Variants in NPY2R observed in about 807,000 individuals in gnomAD.
The protein encoded by NPY2R is neuropeptide Y receptor Y2.
In NPY2R, 17 loss-of-function variants were observed where a neutral mutation model predicts 22.3. The ratio of observed to expected loss-of-function variants is 0.76; its 90% CI spans 0.52 to 1.14. The LOEUF (loss-of-function observed/expected upper bound fraction) is 1.14, where lower values mean the gene tolerates loss of function less well. NPY2R is among the 50% of genes most tolerant of loss of function. The pLI is 0.00. For synonymous variants in NPY2R, 209 were observed against 183.4 expected (o/e 1.14, Z -1.13); for missense variants, 424 against 467.9 (o/e 0.91, Z 0.87).
At chr4:155,193,193 T>C in the NPY2R span, among the ~76,000 whole-genome samples, 6 of 151,930 alleles carry the variant, frequency 3.9e-5, no homozygotes, top group Non-Finnish European at 7.4e-5. Flanking sequence ...ACTATATATA[T>C]ATACGGTCCC....
At chr4:155,213,743 G>C in intron 1 of NPY2R, 149 bp from the exon 2 acceptor site, 1 of 608,450 alleles carries the variant, frequency 1.6e-6, no homozygotes, top group Middle Eastern at 4.4e-4. Flanking sequence ...GTTTTGCTAT[G>C]CACAATTTTA....
At chr4:155,206,316 C>T (rs1560761757), upstream of NPY2R, among the ~76,000 whole-genome samples, 1 of 152,236 alleles carries the variant, frequency 6.6e-6, no homozygotes, top group Non-Finnish European at 1.5e-5. Context: ...ATTTCACCAC[C>T]ACTTCCACAA....
At chr4:155,206,424 G>A (rs138985499), upstream of NPY2R, 53 of 152,306 alleles carry the variant, frequency 3.5e-4, 1 homozygote, top group African/African-American at 1.3e-3. Context: ...GCACATTTAA[G>A]GATATGAATT....
At chr4:155,192,554 A>G in the NPY2R span, among the ~76,000 whole-genome samples, 2 of 152,006 alleles carry the variant, frequency 1.3e-5, no homozygotes, top group Admixed American at 6.6e-5. Context: ...GCAATTTTCT[A>G]TAGACATTCC....
rs1430105701 is a variant in NPY2R, at chr4:155,213,872, AT to A, written c.-48-16del. ...GTTTTTGTTGTTGTTGTTTTGTTTT[AT>A]TTTGTTTTTTCTTTTTAGGTTGTAG... On this transcript the variant is annotated intron_variant, in intron 1 of 1. Coordinates refer to ENST00000329476, the MANE Select transcript of NPY2R (RefSeq NM_000910.4). 3.1e-6 allele frequency: 4 copies of A among 1,296,256 alleles called. No individual in the cohort carries two copies. The African/African-American group carries it at 5.8e-5, about 19-fold the overall frequency. The allele number at this position is 1,296,256 out of a possible 1,614,324, so 80.3% of individuals were successfully genotyped here. A position where few individuals can be genotyped will look rare whatever the true frequency, so the allele number is the denominator to read the frequency against.
chr4:155,186,292 C>A, the NPY2R span, among the ~76,000 whole-genome samples: 1 of 152,030 alleles, frequency 6.6e-6, no homozygotes, highest in Admixed American at 6.6e-5. Context: ...TTATATTAAC[C>A]ATAATGATAA....
chr4:155,215,969 C>T lies in NPY2R; in HGVS notation c.*884C>T, dbSNP rs1729506452. 1 of 167,040 alleles carries T rather than the reference C, an allele frequency of 6.0e-6. No homozygotes were observed. The highest frequency in any genetic ancestry group is 6.5e-5 in the Admixed American group (1 of 15,282). The allele number at this position is 167,040 out of a possible 1,614,324, so 10.3% of individuals were successfully genotyped here. On this transcript the variant is annotated 3_prime_UTR_variant, in exon 2 of 2. Transcript: ENST00000329476. ...AGTTTGTCTACACTAAAATTTAAATCAGACTAGAGAATAATTTTTGTGGCA... is the reference window on the plus strand; with the variant it reads ...AGTTTGTCTACACTAAAATTTAAATTAGACTAGAGAATAATTTTTGTGGCA...
the NPY2R span, among the ~76,000 whole-genome samples, chr4:155,176,293 T>C: frequency 6.6e-6 from 1 of 151,980 alleles, no homozygotes. Context: ...CAGCAGGACC[T>C]AGTGAAGCTC....
At chr4:155,185,044 A>AT in the NPY2R span, among the ~76,000 whole-genome samples, 1,141 of 140,620 alleles carry the variant, frequency 8.1e-3, 8 homozygotes, top group African/African-American at 0.012. Context: ...ATATATATAT[A>AT]TTTTTTTTTT....
upstream of NPY2R, chr4:155,207,232 A>G (rs1729300053): frequency 1.3e-5 from 2 of 152,238 alleles, no homozygotes; most frequent in African/African-American, 4.8e-5. Context: ...AGGAACTGAA[A>G]ATCCAATCCA....
the NPY2R span, among the ~76,000 whole-genome samples, chr4:155,175,813 T>C: frequency 7.0e-6 from 1 of 143,110 alleles, no homozygotes; most frequent in Non-Finnish European, 1.5e-5. Context: ...AGAAAAGAAA[T>C]AAATAAAGAA....
At chr4:155,196,714 G>A in the NPY2R span, among the ~76,000 whole-genome samples, 2 of 151,902 alleles carry the variant, frequency 1.3e-5, no homozygotes, top group Non-Finnish European at 2.9e-5. Flanking sequence ...TGAGGCTGAA[G>A]TAACAGAATC....
the NPY2R span, among the ~76,000 whole-genome samples, chr4:155,186,678 A>G: frequency 6.6e-6 from 1 of 152,166 alleles, no homozygotes; most frequent in Non-Finnish European, 1.5e-5. Flanking sequence ...CATGATACAC[A>G]GTAGATCTTT....
In NPY2R at chr4:155,214,453, G is replaced by A. The variant is rs200831948; in HGVS notation, c.514G>A (p.Ala172Thr). Residue 172 changes from alanine to threonine, a missense_variant, in exon 2 of 2, where the codon GCC becomes ACC. Coordinates refer to ENST00000329476, the MANE Select transcript of NPY2R (RefSeq NM_000910.4). ...KRISFLIIGL[A>T]WGISALLASP... The stretch of plus-strand genomic sequence containing the variant: ...AATCAGCTTCCTGATTATTGGCTTG[G>A]CCTGGGGCATCAGTGCCCTGCTGGC... 861 of 1,614,050 alleles carry A rather than the reference G, an allele frequency of 5.3e-4. 10 individuals are homozygous for A. In the Admixed American group the frequency reaches 0.014, roughly 25 times the overall value.
chr4:155,193,384 G>A, the NPY2R span, among the ~76,000 whole-genome samples: 1 of 151,818 alleles, frequency 6.6e-6, no homozygotes, highest in Non-Finnish European at 1.5e-5. Context: ...ACATAATCAC[G>A]AGGCCACAGC....
chr4:155,178,152 CTG>C, the NPY2R span, among the ~76,000 whole-genome samples: 4 of 152,276 alleles, frequency 2.6e-5, no homozygotes, highest in Admixed American at 2.6e-4. Context: ...CTTTGAAATA[CTG>C]TGAGATCATC....
chr4:155,203,752 C>A (rs1453582263), upstream of NPY2R, among the ~76,000 whole-genome samples: 1 of 152,094 alleles, frequency 6.6e-6, no homozygotes, highest in Non-Finnish European at 1.5e-5. Context: ...ACTTAATAAG[C>A]TTAAAAATAT....
At chr4:155,212,930 AC>A (rs1229192357) in intron 1 of NPY2R, among the ~76,000 whole-genome samples, 8 of 152,348 alleles carry the variant, frequency 5.3e-5, no homozygotes, top group African/African-American at 1.9e-4. Context: ...TATGTAATAC[AC>A]CATGGAATAC....
chr4:155,177,502 A>G, the NPY2R span, among the ~76,000 whole-genome samples: 1 of 149,654 alleles, frequency 6.7e-6, no homozygotes, highest in South Asian at 2.1e-4. Context: ...GTTCAACTTA[A>G]ATGTTTCAGC....
Sources: allele counts gnomAD v4.1 joint callset (sites outside exome capture counted in the v4.1 genomes callset), GRCh38; gene constraint gnomAD v4.1.1; transcripts MANE v1.5; gene names NCBI Gene and HGNC (gene_info 2026-07-23, HGNC 2026-07-21).